Variants in ELMOD1 observed in about 807,000 individuals in gnomAD.
ELMOD1 encodes ELMO domain-containing protein 1.
In ELMOD1, 21 loss-of-function variants were observed where a neutral mutation model predicts 46.7. The ratio of observed to expected loss-of-function variants is 0.45; its 90% CI spans 0.32 to 0.65. ELMOD1 has a LOEUF of 0.65. Ranked by LOEUF, ELMOD1 falls within the 30% of genes least tolerant of loss-of-function variation. The probability of loss-of-function intolerance (pLI) is 0.04; values close to 1 mark genes in which losing one functional copy is unlikely to be tolerated. For missense variants in ELMOD1, 348 were observed against 407.8 expected (o/e 0.85, Z 1.26); for synonymous variants, 122 against 138.2 (o/e 0.88, Z 0.82).
At chr11:107,623,656 C>G (rs1348643634) in intron 2 of ELMOD1, 1 of 152,202 alleles carries the variant, frequency 6.6e-6, no homozygotes, top group Non-Finnish European at 1.5e-5. Context: ...TCTCCTCTGC[C>G]TCTCCAACAC....
At chr11:107,617,829 A>G (rs1030788480) in intron 1 of ELMOD1, among the ~76,000 whole-genome samples, 3 of 152,206 alleles carry the variant, frequency 2.0e-5, no homozygotes, top group Non-Finnish European at 4.4e-5. Context: ...TATAGGAACA[A>G]TACCCAAAAT....
chr11:107,650,926 T>C lies in ELMOD1; in HGVS notation c.647+18T>C. 9.1e-7 allele frequency: 1 copy of C among 1,099,232 alleles called. No homozygotes were observed. Among genetic ancestry groups the C allele is most frequent in the South Asian group, 1.7e-5 (1 of 57,422 alleles). 68.1% of individuals were successfully genotyped at this position (1,099,232 alleles called of 1,614,324 possible). ...GAAATAAGGTATTTTTTCTTTGTTT[T>C]TGTGTTTTATTGCTTTTATTTTGTC... On this transcript the variant is annotated intron_variant, in intron 9 of 11. Coordinates refer to ENST00000265840, the MANE Select transcript of ELMOD1 (RefSeq NM_018712.4).
rs950234903 is a variant in ELMOD1, at chr11:107,618,389, C to T, written c.17+183C>T. ...GAGATTCCTCTGCTAACTCTATATG[C>T]GTGCTGATGATAAGACAGAGCACTT... On this transcript the variant is annotated intron_variant, in intron 2 of 11. Coordinates refer to ENST00000265840, the MANE Select transcript of ELMOD1 (RefSeq NM_018712.4). Among the ~76,000 whole-genome samples, 6 of 152,154 alleles carry T rather than the reference C, an allele frequency of 3.9e-5. No individual in the cohort carries two copies. In the South Asian group the frequency reaches 8.3e-4, roughly 21 times the overall value.
chr11:107,636,219 T>C (rs1866226992), intron 6 of ELMOD1, among the ~76,000 whole-genome samples: 2 of 152,240 alleles, frequency 1.3e-5, no homozygotes, highest in Admixed American at 6.5e-5. Context: ...TGATTATTTA[T>C]GCATGTAACT....
At chr11:107,636,470 T>C (rs1866230872) in intron 6 of ELMOD1, among the ~76,000 whole-genome samples, 2 of 152,242 alleles carry the variant, frequency 1.3e-5, no homozygotes, top group African/African-American at 4.8e-5. Flanking sequence ...TGAAATGTTT[T>C]ATAAATTCAT....
Position 107,591,331 on chromosome 11 carries a change from G to A in ELMOD1, c.-164G>A, listed in dbSNP as rs1451660723. On this transcript the variant is annotated 5_prime_UTR_variant, in exon 1 of 12. Transcript: ENST00000265840. ...CTCGCCGCCGCGGAGCGCGTAGCCGGAGCGCCTGGGGAAGGCGGAGATGAA... is the reference window on the plus strand; with the variant it reads ...CTCGCCGCCGCGGAGCGCGTAGCCGAAGCGCCTGGGGAAGGCGGAGATGAA... 5.3e-5 allele frequency: 8 copies of A among 152,350 alleles called. No individual in the cohort carries two copies. Among genetic ancestry groups the A allele is most frequent in the African/African-American group, 1.9e-4 (8 of 41,446 alleles). 9.4% of individuals were successfully genotyped at this position (152,350 alleles called of 1,614,324 possible).
rs477835 is a variant in ELMOD1 at position 107,664,898 on chromosome 11, G to T, written c.833-127G>T. On this transcript the variant is annotated intron_variant, in intron 11 of 11. Transcript: ENST00000265840. ...AACAGTGGTATTTTCTAGATTTTGA[G>T]GTCTTCTTTGAGCTCCACGGTTGCT... 64 of 799,298 alleles carry T rather than the reference G, an allele frequency of 8.0e-5. No homozygotes were observed. The East Asian group carries it at 1.6e-3, about 20-fold the overall frequency. The allele number at this position is 799,298 out of a possible 1,614,324, so 49.5% of individuals were successfully genotyped here.
At chr11:107,624,751 A>T (rs564544322) in intron 2 of ELMOD1, among the ~76,000 whole-genome samples, 8 of 152,340 alleles carry the variant, frequency 5.3e-5, no homozygotes, top group African/African-American at 1.9e-4. Context: ...GGAAAGGGTT[A>T]CACTATTAAT....
chr11:107,598,776 A>T (rs151050476), intron 1 of ELMOD1, among the ~76,000 whole-genome samples: 132 of 152,316 alleles, frequency 8.7e-4, no homozygotes, highest in African/African-American at 3.1e-3. Context: ...TTACTGGGCC[A>T]GTTCTGTGTC....
chr11:107,609,711 A>G (rs1591105676), intron 1 of ELMOD1, among the ~76,000 whole-genome samples: 1 of 151,880 alleles, frequency 6.6e-6, no homozygotes, highest in Non-Finnish European at 1.5e-5. Context: ...TGGAAAAGAA[A>G]AAAAGACAAG....
intron 9 of ELMOD1, among the ~76,000 whole-genome samples, chr11:107,651,327 T>A (rs1463545746): frequency 1.3e-5 from 2 of 152,228 alleles, no homozygotes; most frequent in African/African-American, 4.8e-5. Context: ...TGTTAGTCAC[T>A]CTTCTTAGAA....
At chr11:107,614,441 C>A (rs1205687256) in intron 1 of ELMOD1, among the ~76,000 whole-genome samples, 1 of 152,170 alleles carries the variant, frequency 6.6e-6, no homozygotes, top group Non-Finnish European at 1.5e-5. Flanking sequence ...CGGGTTCAAG[C>A]AATTCTCCTG....
In ELMOD1 at chr11:107,618,115, C is replaced by G. The variant is rs372963905; in HGVS notation, c.-75C>G. 220 of 1,507,766 alleles carry G rather than the reference C, an allele frequency of 1.5e-4. 1 individual carries two copies. The African/African-American group carries it at 2.8e-3, about 19-fold the overall frequency. 93.4% of individuals were successfully genotyped at this position (1,507,766 alleles called of 1,614,324 possible). ...AATTTCTTCCCACAGTTGACACTTA[C>G]TTTGACAAAGGCAAATTTGGAAGCA... On this transcript the variant is annotated 5_prime_UTR_variant, in exon 2 of 12. Transcript: ENST00000265840.
intron 2 of ELMOD1, among the ~76,000 whole-genome samples, chr11:107,628,904 T>C (rs1436366101): frequency 6.6e-6 from 1 of 152,194 alleles, no homozygotes; most frequent in Non-Finnish European, 1.5e-5. Context: ...TACATTACTA[T>C]TAAAATTTTT....
intron 2 of ELMOD1, among the ~76,000 whole-genome samples, chr11:107,629,695 G>T (rs150166910): frequency 6.6e-6 from 1 of 152,168 alleles, no homozygotes; most frequent in Non-Finnish European, 1.5e-5. Flanking sequence ...TTTAGCAAGA[G>T]CCAAGAACAA....
chr11:107,615,229 C>CTTTTTTTTTTTTT (rs34461488), intron 1 of ELMOD1, among the ~76,000 whole-genome samples: 2 of 81,132 alleles, frequency 2.5e-5, no homozygotes, highest in African/African-American at 5.1e-5. Flanking sequence ...TTGTCAGCAT[C>CTTTTTTTTTTTTT]TTTTTTTTTT....
intron 1 of ELMOD1, among the ~76,000 whole-genome samples, chr11:107,608,426 TA>T (rs1300189502): frequency 1.3e-5 from 2 of 151,738 alleles, no homozygotes; most frequent in African/African-American, 4.8e-5. Flanking sequence ...CATGCAGAGG[TA>T]GACTGAACTG....
Position 107,647,585 on chromosome 11 carries a change from G to A in ELMOD1, c.538G>A (p.Gly180Arg). 1.9e-6 allele frequency: 3 copies of A among 1,612,590 alleles called. No homozygotes were observed. The highest frequency in any genetic ancestry group is 2.5e-6 in the Non-Finnish European group (3 of 1,179,304). The change falls in exon 7 of 12, where the codon GGA becomes AGA. Residue 180 changes from glycine (G) to arginine (R), a missense_variant. Coordinates refer to ENST00000265840, the MANE Select transcript of ELMOD1 (RefSeq NM_018712.4). ...KTDFRGMGLLGLYNLQYFAER... is the reference protein window; with the variant it reads ...KTDFRGMGLLRLYNLQYFAER... ...AGACTTTCGAGGAATGGGACTTCTG[G>A]GACTGTACAATTTGCAGTAAGTAAA...
At chr11:107,646,381 A>G (rs532346647) in intron 6 of ELMOD1, among the ~76,000 whole-genome samples, 3 of 152,338 alleles carry the variant, frequency 2.0e-5, no homozygotes, top group African/African-American at 7.2e-5. Flanking sequence ...CATTACTGAT[A>G]TTCCTTCCTC....
Sources: gnomAD v4.1 joint callset for allele counts (sites outside exome capture counted in the v4.1 genomes callset) on GRCh38, gnomAD v4.1.1 for gene constraint, MANE v1.5 for transcripts, NCBI Gene and HGNC (gene_info 2026-07-23, HGNC 2026-07-21) for gene names.